FBLN2: variants seen among roughly 807,000 people sequenced by gnomAD.
The protein encoded by FBLN2 is fibulin 2.
In FBLN2, 81 loss-of-function variants were observed where a neutral mutation model predicts 123.7. The observed-to-expected ratio is 0.65, with a 90% CI of 0.55 to 0.79. The LOEUF is 0.79. Ranked by LOEUF, FBLN2 falls within the 30% of genes least tolerant of loss-of-function variation. FBLN2 has a pLI of 0.00. For missense variants in FBLN2, 1,603 were observed against 1,681.3 expected (o/e 0.95, Z 0.81); for synonymous variants, 699 against 701.4 (o/e 1.00, Z 0.05).
chr3:13,585,513 G>A (rs994749709), intron 2 of FBLN2, among the ~76,000 whole-genome samples: 5 of 152,178 alleles, frequency 3.3e-5, no homozygotes. Flanking sequence ...GGTCCCATAC[G>A]ATTATGGTGA....
At position 13,571,112 on chromosome 3, in the gene FBLN2, A is replaced by C; in HGVS notation, c.757A>C (p.Arg253=). Reference sequence around the variant, plus strand: ...ACCCCCCTGGCCAGCTGTCCTCCCCAGGCCCACAGCGGCTGCTGCCCTGGG... The same window carrying C: ...ACCCCCCTGGCCAGCTGTCCTCCCCCGGCCCACAGCGGCTGCTGCCCTGGG... The part of the protein sequence containing the change: ...QAPPWPAVLP[R]PTAAAALGPP... Residue 253 remains arginine (R), a synonymous_variant, in exon 2 of 18, where the codon AGG becomes CGG. Transcript: ENST00000404922. The C allele has an allele frequency of 6.4e-7, 1 of 1,553,132 alleles. No individual in the cohort carries two copies.
chr3:13,611,108 T>C (rs1705378203), intron 4 of FBLN2, among the ~76,000 whole-genome samples: 1 of 151,934 alleles, frequency 6.6e-6, no homozygotes. Context: ...TACGCCACCA[T>C]GCTTGGTTTT....
intron 7 of FBLN2, among the ~76,000 whole-genome samples, 200 bp downstream of exon 7, chr3:13,619,217 G>A (rs1196115244): frequency 1.3e-5 from 2 of 152,182 alleles, no homozygotes; most frequent in Non-Finnish European, 2.9e-5. Flanking sequence ...TGTGGTGTGG[G>A]GACAGCCTAG....
chr3:13,608,069 C>T lies in FBLN2; in HGVS notation c.1314C>T (p.Thr438=), dbSNP rs1365896088. 1 of 1,579,830 alleles carries T rather than the reference C, an allele frequency of 6.3e-7. No individual in the cohort carries two copies. The change falls in exon 3 of 18, where the codon ACC becomes ACT. Residue 438 remains threonine (T), a synonymous_variant. Transcript: ENST00000404922. ...SIPRSSPEGS[T]KDLIETCCAA... ...TCATGTTGCTATCCACAGGCTCCAC[C>T]AAGGACCTGATCGAGACTTGCTGCG...
chr3:13,622,001 A>G (rs1265324297), intron 9 of FBLN2, 86 bp downstream of exon 9: 1 of 1,481,950 alleles, frequency 6.7e-7, no homozygotes, highest in Non-Finnish European at 9.1e-7. Flanking sequence ...CCACATGCCA[A>G]AGGGCCTGCC....
chr3:13,592,021 T>TC (rs1704691626), intron 2 of FBLN2, among the ~76,000 whole-genome samples: 1 of 148,924 alleles, frequency 6.7e-6, no homozygotes, highest in African/African-American at 2.5e-5. Flanking sequence ...CTCTTTTCTT[T>TC]TTTTTTTTTT....
intron 1 of FBLN2, among the ~76,000 whole-genome samples, chr3:13,561,552 T>A (rs1158812544): frequency 6.6e-6 from 1 of 152,174 alleles, no homozygotes; most frequent in Non-Finnish European, 1.5e-5. Flanking sequence ...GCACATACTG[T>A]TAGTGCTGCT....
At chr3:13,622,039 G>A (rs1357523206) in intron 9 of FBLN2, 124 bp downstream of exon 9, 9 of 1,153,856 alleles carry the variant, frequency 7.8e-6, no homozygotes, top group Middle Eastern at 2.8e-4. Context: ...CAGCACAGCC[G>A]GCATCTCCGT....
Position 13,619,011 on chromosome 3 carries a change from T to C in FBLN2, c.2047T>C (p.Cys683Arg). The C allele has an allele frequency of 1.2e-6, 2 of 1,608,872 alleles. No homozygotes were observed. Among genetic ancestry groups the C allele is most frequent in the South Asian group, 1.1e-5 (1 of 89,902 alleles). Residue 683 changes from cysteine (C) to arginine (R), a missense_variant, in exon 7 of 18, where the codon TGC becomes CGC. Physicochemically the swap from Cys to Arg is radical, Grantham distance 180. Transcript: ENST00000404922. ...GCTGCCACTGCCGCAGCCCAATACC[T>C]GCAAAGGTAAGCAGTGTGGGTGGTG... ...IPLPLPQPNTCKDNGPCKQVC... is the reference protein window; with the variant it reads ...IPLPLPQPNTRKDNGPCKQVC...
At chr3:13,553,872 T>G (rs2063890) in intron 1 of FBLN2, among the ~76,000 whole-genome samples, 126,837 of 152,170 alleles carry the variant, frequency 0.83, 53,077 homozygotes, top group East Asian at 1. Context: ...TCTCACACCT[T>G]GTCGGGCTTC....
intron 5 of FBLN2, 98 bp from the exon 6 acceptor site, chr3:13,617,978 G>A: frequency 6.7e-6 from 7 of 1,040,646 alleles, no homozygotes; most frequent in East Asian, 2.4e-5. Flanking sequence ...GCACACAGAG[G>A]TCTTGATGAG....
intron 2 of FBLN2, among the ~76,000 whole-genome samples, chr3:13,588,807 T>C (rs3773282): frequency 0.34 from 51,978 of 152,186 alleles, 10,197 homozygotes; most frequent in East Asian, 0.54. Flanking sequence ...TAAATACTGG[T>C]GTGGGAACAC....
At chr3:13,609,729 A>C in intron 4 of FBLN2, 87 bp downstream of exon 4, 6 of 1,489,442 alleles carry the variant, frequency 4.0e-6, no homozygotes, top group Non-Finnish European at 5.4e-6. Flanking sequence ...GTGGCCCAAG[A>C]AGTTAGGCTG....
chr3:13,626,574 G>A lies in FBLN2; in HGVS notation c.2426G>A (p.Cys809Tyr), dbSNP rs1474846695. 22 of 1,546,206 alleles carry A rather than the reference G, an allele frequency of 1.4e-5. No individual in the cohort carries two copies. The highest frequency in any genetic ancestry group is 1.8e-5 in the Non-Finnish European group (21 of 1,143,462). ...GGCTATGCCCTCAAGGATGGCGAGT[G>A]CGAAGGTGAGAAGGGCCCAGAAGGA... Reference protein sequence around the residue: ...EPGYALKDGECEDVDECAMGT... With the variant: ...EPGYALKDGEYEDVDECAMGT... Residue 809 changes from cysteine to tyrosine, a missense_variant, in exon 10 of 18, where the codon TGC becomes TAC. Transcript: ENST00000404922.
chr3:13,587,511 T>C (rs917107503), intron 2 of FBLN2, among the ~76,000 whole-genome samples: 1 of 152,078 alleles, frequency 6.6e-6, no homozygotes, highest in African/African-American at 2.4e-5. Flanking sequence ...GTAAGGGCCC[T>C]GTAAACCAAA....
At chr3:13,569,211 G>C in intron 1 of FBLN2, 3 of 207,736 alleles carry the variant, frequency 1.4e-5, no homozygotes, top group Non-Finnish European at 2.5e-5. Flanking sequence ...GGGGAGAAGA[G>C]CCCTTGGGGG....
At chr3:13,577,082 G>A (rs1373526816) in intron 2 of FBLN2, among the ~76,000 whole-genome samples, 3 of 152,154 alleles carry the variant, frequency 2.0e-5, no homozygotes, top group Admixed American at 6.5e-5. Context: ...AATTAGCTGG[G>A]TGTGGTGGTA....
intron 16 of FBLN2, among the ~76,000 whole-genome samples, chr3:13,635,897 G>A (rs1706446852): frequency 6.6e-6 from 1 of 152,226 alleles, no homozygotes; most frequent in African/African-American, 2.4e-5. Flanking sequence ...GGAGCCATAG[G>A]AGGATGATAA....
chr3:13,609,688 G>GGGGGGGGGGGGGGGC, intron 4 of FBLN2, 46 bp downstream of exon 4: 11 of 512,590 alleles, frequency 2.1e-5, no homozygotes, highest in East Asian at 1.3e-4. Context: ...GTGGGGCGGG[G>GGGGGGGGGGGGGGGC]CGGGAGGCTG....
Sources: allele counts gnomAD v4.1 joint callset (sites outside exome capture counted in the v4.1 genomes callset), GRCh38; gene constraint gnomAD v4.1.1; transcripts MANE v1.5; gene names NCBI Gene and HGNC (gene_info 2026-07-23, HGNC 2026-07-21).